The following CAST variants were observed in gnomAD, a reference collection of about 807,000 sequenced individuals.
CAST encodes MIR583 host.
Under a neutral mutation model 119.6 loss-of-function variants are expected in CAST, and 76 were observed. The ratio of observed to expected loss-of-function variants is 0.64; its 90% CI spans 0.53 to 0.77. CAST has a LOEUF of 0.77. CAST is among the 30% of genes least tolerant of loss of function. The pLI, the probability that CAST is intolerant of heterozygous loss-of-function variation, is 0.00. For missense variants in CAST, 953 were observed against 946.5 expected (o/e 1.01, Z -0.09); for synonymous variants, 319 against 331.6 (o/e 0.96, Z 0.41).
chr5:96,631,933 C>T (rs867488413), intron 1 of CAST, among the ~76,000 whole-genome samples: 3 of 152,256 alleles, frequency 2.0e-5, no homozygotes, highest in Middle Eastern at 3.4e-3. Context: ...CTGTTTTTCA[C>T]AGGGGCTGTA....
the CAST span, among the ~76,000 whole-genome samples, chr5:96,184,984 C>A: frequency 6.6e-6 from 1 of 152,176 alleles, no homozygotes; most frequent in Non-Finnish European, 1.5e-5. Flanking sequence ...AGCATAACTG[C>A]ATTCCTTTTT....
chr5:96,514,472 C>A, the CAST span, among the ~76,000 whole-genome samples: 1 of 152,140 alleles, frequency 6.6e-6, no homozygotes, highest in Admixed American at 6.5e-5. Context: ...AATGATATTT[C>A]TTTTATATAT....
chr5:96,443,827 G>A, the CAST span, among the ~76,000 whole-genome samples: 21 of 152,276 alleles, frequency 1.4e-4, no homozygotes, highest in African/African-American at 4.1e-4. Flanking sequence ...GAAGTAAAAC[G>A]AAGCAGAGAA....
At chr5:96,274,646 G>C in the CAST span, among the ~76,000 whole-genome samples, 1 of 152,174 alleles carries the variant, frequency 6.6e-6, no homozygotes, top group African/African-American at 2.4e-5. Context: ...ACATCCCAGA[G>C]ATGACGGGTG....
At chr5:96,316,912 T>C in the CAST span, among the ~76,000 whole-genome samples, 2 of 152,234 alleles carry the variant, frequency 1.3e-5, no homozygotes, top group Non-Finnish European at 2.9e-5. Context: ...GTTTTCCGAA[T>C]ATTACACATA....
chr5:96,236,547 G>A, the CAST span, among the ~76,000 whole-genome samples: 3 of 152,228 alleles, frequency 2.0e-5, no homozygotes, highest in Non-Finnish European at 4.4e-5. Flanking sequence ...CGTGAATCCC[G>A]CTGAATTTTT....
At chr5:96,563,036 C>A (rs1311547350) in intron 1 of CAST, among the ~76,000 whole-genome samples, 1 of 152,124 alleles carries the variant, frequency 6.6e-6, no homozygotes, top group Non-Finnish European at 1.5e-5. Context: ...GAGGTGCCCT[C>A]CCTATACCTG....
rs101887 is a variant in CAST at position 96,750,528 on chromosome 5, C to T, written c.1429-59C>T. 3,545 of 1,050,898 alleles carry T rather than the reference C, an allele frequency of 3.4e-3. 89 individuals carry two copies. In the African/African-American group the frequency reaches 0.049, roughly 15 times the overall value. 65.1% of individuals were successfully genotyped at this position (1,050,898 alleles called of 1,614,324 possible). A position where few individuals can be genotyped will look rare whatever the true frequency, so the allele number is the denominator to read the frequency against. On this transcript the variant is annotated intron_variant, in intron 19 of 31. Transcript: ENST00000675179. ...GGAGTGTCTTGTTGGTCTACCATTACTCAGTCTTATTAACCAAATATTTCT... is the reference window on the plus strand; with the variant it reads ...GGAGTGTCTTGTTGGTCTACCATTATTCAGTCTTATTAACCAAATATTTCT...
the CAST span, among the ~76,000 whole-genome samples, chr5:96,233,295 T>C: frequency 6.6e-6 from 1 of 152,160 alleles, no homozygotes; most frequent in Non-Finnish European, 1.5e-5. Context: ...AGAACACCTC[T>C]GAGGAAACAG....
intron 1 of CAST, among the ~76,000 whole-genome samples, chr5:96,618,902 C>T (rs6893939): frequency 2.6e-5 from 4 of 152,238 alleles, no homozygotes; most frequent in African/African-American, 9.6e-5. Flanking sequence ...ACAGGATCCA[C>T]TAGGTGAAGC....
the CAST span, among the ~76,000 whole-genome samples, chr5:96,413,963 C>CAAAAAAAA: frequency 4.5e-5 from 1 of 22,436 alleles, no homozygotes; most frequent in Non-Finnish European, 1.3e-4. Context: ...ACTAAAAATA[C>CAAAAAAAA]AAAAAAAAAA....
the CAST span, among the ~76,000 whole-genome samples, chr5:95,966,573 T>TA: frequency 6.2e-4 from 92 of 149,110 alleles, no homozygotes; most frequent in Middle Eastern, 3.4e-3. Flanking sequence ...TCTGGTTATT[T>TA]AAAAAAAAAA....
chr5:96,447,567 G>C, the CAST span, among the ~76,000 whole-genome samples: 3 of 152,020 alleles, frequency 2.0e-5, no homozygotes, highest in African/African-American at 7.3e-5. Context: ...AATAGACAAG[G>C]GCAGAACCTT....
chr5:96,728,886 C>T (rs1219394794), intron 6 of CAST: 1 of 379,118 alleles, frequency 2.6e-6, no homozygotes, highest in Non-Finnish European at 4.8e-6. Flanking sequence ...TAGAGACATA[C>T]GTGTATTTGA....
At chr5:96,433,254 C>T in the CAST span, 1 of 589,896 alleles carries the variant, frequency 1.7e-6, no homozygotes, top group Admixed American at 2.9e-5. Context: ...TGAGTGGAGC[C>T]CCAGCCCTTC....
the CAST span, among the ~76,000 whole-genome samples, chr5:96,477,944 T>G: frequency 1.3e-5 from 2 of 152,202 alleles, no homozygotes; most frequent in Non-Finnish European, 2.9e-5. Context: ...AAAAAACACA[T>G]GCTACCCAGA....
At chr5:96,529,699 T>TG, upstream of CAST, 1 of 323,984 alleles carries the variant, frequency 3.1e-6, no homozygotes, top group Non-Finnish European at 6.2e-6. Flanking sequence ...AACTGAATCG[T>TG]GGGGGCAGTT....
At chr5:96,065,547 T>C in the CAST span, among the ~76,000 whole-genome samples, 1 of 152,134 alleles carries the variant, frequency 6.6e-6, no homozygotes, top group South Asian at 2.1e-4. Flanking sequence ...TTTTGAAGCA[T>C]CTTTTATTTT....
chr5:96,515,053 T>C, the CAST span, among the ~76,000 whole-genome samples: 1 of 152,180 alleles, frequency 6.6e-6, no homozygotes, highest in African/African-American at 2.4e-5. Context: ...GCACGGCCAG[T>C]GCTATTTCTT....
Sources: gnomAD v4.1 joint callset for allele counts (sites outside exome capture counted in the v4.1 genomes callset) on GRCh38, gnomAD v4.1.1 for gene constraint, MANE v1.5 for transcripts, NCBI Gene and HGNC (gene_info 2026-07-23, HGNC 2026-07-21) for gene names.